Variants in CEP350 observed in about 807,000 individuals in gnomAD.
The protein encoded by CEP350 is centrosome-associated protein 350.
A neutral mutation model predicts 331.8 loss-of-function variants in CEP350; 126 were observed. That is an observed-to-expected ratio of 0.38 (90% CI 0.33 to 0.44). The LOEUF (loss-of-function observed/expected upper bound fraction) is 0.44, where lower values mean the gene tolerates loss of function less well. Among genes scored for constraint, CEP350 ranks in the 20% least tolerant of loss-of-function variants. CEP350 has a pLI of 1.00. For synonymous variants in CEP350, 1,200 were observed against 1,259.5 expected (o/e 0.95, Z 1.00); for missense variants, 3,406 against 3,634.6 (o/e 0.94, Z 1.62).
intron 25 of CEP350, among the ~76,000 whole-genome samples, chr1:180,057,862 G>A (rs917289212): frequency 2.6e-5 from 4 of 152,206 alleles, no homozygotes; most frequent in African/African-American, 9.6e-5. Context: ...CAGCACAAGA[G>A]ACTGGGGATT....
intron 1 of CEP350, among the ~76,000 whole-genome samples, chr1:179,964,336 T>G (rs1031481774): frequency 6.6e-6 from 1 of 152,122 alleles, no homozygotes; most frequent in African/African-American, 2.4e-5. Context: ...AGTATTATGT[T>G]GAATAGGAGT....
At chr1:180,037,646 GTTTA>G (rs199989799) in intron 17 of CEP350, among the ~76,000 whole-genome samples, 2 of 151,842 alleles carry the variant, frequency 1.3e-5, no homozygotes, top group South Asian at 4.2e-4. Flanking sequence ...ATTTTGATGA[GTTTA>G]TTTATTTATT....
In CEP350 at chr1:180,019,983, G is replaced by A; in HGVS notation, c.2209G>A (p.Glu737Lys). The A allele has an allele frequency of 1.2e-6, 2 of 1,611,732 alleles. No homozygotes were observed. Among genetic ancestry groups the A allele is most frequent in the South Asian group, 2.2e-5 (2 of 90,768 alleles). Residue 737 changes from glutamate to lysine, a missense_variant, in exon 12 of 38, where the codon GAA becomes AAA. Physicochemically the swap from Glu to Lys is moderately conservative, Grantham distance 56. Coordinates refer to ENST00000367607, the MANE Select transcript of CEP350 (RefSeq NM_014810.5). ...GATGGAATCTACATGGATGCAGCCT[G>A]AAAGATTGAGCCCACAAGTTCACCA... is the stretch of plus-strand genomic sequence containing the variant. Reference protein sequence around the residue: ...DLMESTWMQPERLSPQVHHSQ... With the variant: ...DLMESTWMQPKRLSPQVHHSQ...
intron 1 of CEP350, among the ~76,000 whole-genome samples, chr1:179,962,471 G>A (rs930779911): frequency 5.9e-5 from 9 of 152,060 alleles, no homozygotes; most frequent in South Asian, 4.2e-4. Flanking sequence ...GCGCAGTGAC[G>A]TGATCTTGGC....
intron 14 of CEP350, among the ~76,000 whole-genome samples, chr1:180,025,473 C>T (rs1341952893): frequency 6.6e-6 from 1 of 152,124 alleles, no homozygotes; most frequent in Non-Finnish European, 1.5e-5. Flanking sequence ...CTCATTTCTA[C>T]TCTTGGCTTA....
At chr1:180,103,813 A>C (rs1660969316) in intron 37 of CEP350, among the ~76,000 whole-genome samples, 1 of 151,756 alleles carries the variant, frequency 6.6e-6, no homozygotes, top group South Asian at 2.1e-4. Context: ...CTCCTCCCTT[A>C]GTTAGTCATA....
rs543638549 is a variant in CEP350 at position 180,083,717 on chromosome 1, T to C, written c.6125-301T>C. Among the ~76,000 whole-genome samples the C allele has an allele frequency of 1.2e-4, 18 of 152,348 alleles. No homozygotes were observed. The East Asian group carries it at 3.5e-3, about 29-fold the overall frequency. On this transcript the variant is annotated intron_variant, in intron 30 of 37. Coordinates refer to ENST00000367607, the MANE Select transcript of CEP350 (RefSeq NM_014810.5). ...ATCTAAAAATTTCTCAACTTCCAGC[T>C]GCATGTCTTACCAAGACAGCGTATC...
At chr1:180,048,788 G>GCCA in intron 22 of CEP350, 83 bp downstream of exon 22, 2 of 1,085,988 alleles carry the variant, frequency 1.8e-6, no homozygotes, top group Non-Finnish European at 2.7e-6. Flanking sequence ...TGGCAAATAA[G>GCCA]CTGGATGTGG....
chr1:180,095,979 G>T (rs370627129), intron 35 of CEP350, 49 bp downstream of exon 35: 30 of 1,563,716 alleles, frequency 1.9e-5, no homozygotes, highest in Non-Finnish European at 2.4e-5. Flanking sequence ...TTCTCCCATT[G>T]TCTGAAATTT....
chr1:180,036,933 G>C lies in CEP350; in HGVS notation c.3954G>C (p.Lys1318Asn). ...CATTGTCATGCCTTCCAGGTTCTAA[G>C]CGCTTTTCTCCTGCTGGCCTCCATC... ...TENMAPIPGS[K>N]RFSPAGLHHR... The change falls in exon 17 of 38, where the codon AAG becomes AAC. Residue 1318 changes from lysine (K) to asparagine (N), a missense_variant. Physicochemically the swap from Lys to Asn is moderately conservative, Grantham distance 94 (BLOSUM62 0). Coordinates refer to ENST00000367607, the MANE Select transcript of CEP350 (RefSeq NM_014810.5). 1.3e-6 allele frequency: 2 copies of C among 1,567,926 alleles called. No individual in the cohort carries two copies. The highest frequency in any genetic ancestry group is 1.7e-6 in the Non-Finnish European group (2 of 1,159,688).
chr1:180,031,561 A>T, intron 15 of CEP350, 67 bp downstream of exon 15: 1 of 805,536 alleles, frequency 1.2e-6, no homozygotes, highest in East Asian at 3.5e-5. Flanking sequence ...CAAAAAATCC[A>T]TATAATGAAT....
chr1:180,004,157 A>G (rs1044831061), intron 7 of CEP350, among the ~76,000 whole-genome samples: 2 of 152,204 alleles, frequency 1.3e-5, no homozygotes, highest in Admixed American at 6.5e-5. Context: ...TATACTAGCT[A>G]TGTTACATAA....
At chr1:180,004,877 TGCTTGCTTGCTTGCTTG>T (rs1654113533) in intron 7 of CEP350, among the ~76,000 whole-genome samples, 1 of 72,884 alleles carries the variant, frequency 1.4e-5, no homozygotes, top group Non-Finnish European at 2.8e-5. Flanking sequence ...CTGGCTGGCT[TGCTTGCTTGCTTGCTTG>T]CTTGCTTGCT....
chr1:180,093,921 A>G lies in CEP350; in HGVS notation c.7816A>G (p.Lys2606Glu). The G allele has an allele frequency of 6.2e-7, 1 of 1,613,924 alleles. No homozygotes were observed. Among genetic ancestry groups the G allele is most frequent in the East Asian group, 2.2e-5 (1 of 44,876 alleles). Residue 2606 changes from lysine (K) to glutamate (E), a missense_variant, in exon 34 of 38, where the codon AAG (lysine) becomes GAG (glutamate). This residue lies in a region of CEP350 where 1,415 missense variants were observed against 1,512.3 expected (regional missense o/e 0.94). Coordinates refer to ENST00000367607, the MANE Select transcript of CEP350 (RefSeq NM_014810.5). ...NDTEGPKDRE[K>E]DVSEYFYEKS... The stretch of plus-strand genomic sequence containing the variant: ...TACAGAGGGTCCAAAAGACAGAGAA[A>G]AGGATGTCAGTGAATATTTTTATGA...
intron 21 of CEP350, among the ~76,000 whole-genome samples, chr1:180,045,817 A>ATTG (rs1657081214): frequency 6.6e-6 from 1 of 152,188 alleles, no homozygotes; most frequent in Non-Finnish European, 1.5e-5. Flanking sequence ...ATTAAGGTCT[A>ATTG]AATTATTTAG....
intron 27 of CEP350, chr1:180,073,845 TCA>T: frequency 7.7e-7 from 1 of 1,304,476 alleles, no homozygotes; most frequent in Non-Finnish European, 1.0e-6. Flanking sequence ...TGGGCCTCTC[TCA>T]GTGTCTGTTT....
intron 1 of CEP350, among the ~76,000 whole-genome samples, chr1:179,955,985 G>A (rs1377276342): frequency 6.6e-6 from 1 of 152,158 alleles, no homozygotes; most frequent in Non-Finnish European, 1.5e-5. Flanking sequence ...AGTTTTAAAA[G>A]AAAGACTATC....
chr1:180,083,051 C>A (rs1410537096), intron 30 of CEP350, among the ~76,000 whole-genome samples: 3 of 152,142 alleles, frequency 2.0e-5, no homozygotes, highest in Non-Finnish European at 4.4e-5. Context: ...AGACTGTAAT[C>A]TTTTTGCATT....
At chr1:180,090,375 C>T (rs1032618560) in intron 32 of CEP350, among the ~76,000 whole-genome samples, 5 of 150,930 alleles carry the variant, frequency 3.3e-5, no homozygotes, top group African/African-American at 1.2e-4. Context: ...TGAAACCCCG[C>T]CTCTACTAAA....
Sources: allele counts gnomAD v4.1 joint callset (sites outside exome capture counted in the v4.1 genomes callset), GRCh38; gene constraint gnomAD v4.1.1; regional missense constraint gnomAD v4.1.1; transcripts MANE v1.5; gene names NCBI Gene and HGNC (gene_info 2026-07-23, HGNC 2026-07-21).